The following SCN11A variants were observed in gnomAD, a reference collection of about 807,000 sequenced individuals.
SCN11A encodes sodium voltage-gated channel alpha subunit 11.
Under a neutral mutation model 162.2 loss-of-function variants are expected in SCN11A, and 122 were observed. That is an observed-to-expected ratio of 0.75 (90% CI 0.65 to 0.87). The LOEUF is 0.87. SCN11A is among the 40% of genes least tolerant of loss of function. The pLI is 0.00. For missense variants in SCN11A, 2,015 were observed against 2,181.6 expected, an observed-to-expected ratio of 0.92 and a Z score of 1.52; for synonymous variants, 758 against 751.5, an observed-to-expected ratio of 1.01 and a Z score of -0.14.
intron 17 of SCN11A, among the ~76,000 whole-genome samples, chr3:38,898,714 C>T (rs546891815): frequency 1.6e-4 from 25 of 152,158 alleles, no homozygotes; most frequent in African/African-American, 3.9e-4. Context: ...TATAAACTGA[C>T]GGTTTTACTC....
Position 38,846,662 on chromosome 3 carries a change from T to C in SCN11A, c.*32A>G, listed in dbSNP as rs2064668186. On this transcript the variant is annotated 3_prime_UTR_variant, in exon 30 of 30. Transcript: ENST00000302328. ...AGCTCAGAGGCTGAAGGCAAGGCTG[T>C]GAAGCTATGAGGTAGGCGTGGAGGT... 1 of 1,580,800 alleles carries C rather than the reference T, an allele frequency of 6.3e-7. No homozygotes were observed.
At chr3:38,951,191 T>C (rs935559616) in intron 4 of SCN11A, among the ~76,000 whole-genome samples, 5 of 152,172 alleles carry the variant, frequency 3.3e-5, no homozygotes, top group African/African-American at 1.2e-4. Context: ...ACCCGGCGCT[T>C]GCGGGCCAGC....
At chr3:38,935,103 C>A (rs2125562601) in intron 7 of SCN11A, among the ~76,000 whole-genome samples, 1 of 152,260 alleles carries the variant, frequency 6.6e-6, no homozygotes, top group Middle Eastern at 3.4e-3. Flanking sequence ...TACGTGGAAA[C>A]TGAACAACCT....
intron 4 of SCN11A, among the ~76,000 whole-genome samples, chr3:38,951,977 GC>G (rs2066626989): frequency 6.6e-6 from 1 of 152,094 alleles, no homozygotes; most frequent in South Asian, 2.1e-4. Flanking sequence ...CACTGTGGAA[GC>G]TTTGTTCTTT....
intron 2 of SCN11A, among the ~76,000 whole-genome samples, chr3:38,983,822 G>C (rs149503182): frequency 1.3e-5 from 2 of 152,148 alleles, no homozygotes; most frequent in African/African-American, 4.8e-5. Flanking sequence ...AAGCTAACTT[G>C]TGTTGGGTTT....
chr3:38,974,587 C>T (rs927555733), intron 2 of SCN11A, among the ~76,000 whole-genome samples: 8 of 149,184 alleles, frequency 5.4e-5, no homozygotes, highest in South Asian at 2.1e-4. Context: ...CCCAGCTACT[C>T]GGGAGGCTGA....
At chr3:39,028,227 A>G (rs2031638897) in intron 2 of SCN11A, among the ~76,000 whole-genome samples, 1 of 152,334 alleles carries the variant, frequency 6.6e-6, no homozygotes, top group African/African-American at 2.4e-5. Flanking sequence ...AAGCTCTCAG[A>G]TGCTCTCACT....
At chr3:38,998,262 G>A (rs901673642) in intron 2 of SCN11A, among the ~76,000 whole-genome samples, 19 of 152,164 alleles carry the variant, frequency 1.2e-4, no homozygotes, top group Non-Finnish European at 2.4e-4. Context: ...GCTTTTATGA[G>A]CCATCCCAGC....
intron 5 of SCN11A, among the ~76,000 whole-genome samples, chr3:38,949,644 T>C (rs1434726971): frequency 3.3e-5 from 5 of 152,208 alleles, no homozygotes; most frequent in African/African-American, 1.2e-4. Context: ...TAATGCATTA[T>C]AGTGATAAAG....
At chr3:38,950,057 A>AACCCC in intron 5 of SCN11A, 39 bp downstream of exon 5, 2 of 100,342 alleles carry the variant, frequency 2.0e-5, no homozygotes, top group South Asian at 1.1e-4. Flanking sequence ...TGGTTAGAAC[A>AACCCC]CCCCCACCCC....
chr3:39,032,005 C>T (rs180736867), intron 2 of SCN11A, among the ~76,000 whole-genome samples: 1 of 151,744 alleles, frequency 6.6e-6, no homozygotes, highest in Admixed American at 6.6e-5. Flanking sequence ...CAAAAAAAAA[C>T]CAAAAATGGT....
chr3:39,037,497 C>A (rs1034046901), intron 1 of SCN11A, among the ~76,000 whole-genome samples: 2 of 152,006 alleles, frequency 1.3e-5, no homozygotes, highest in Non-Finnish European at 2.9e-5. Flanking sequence ...ATGTTTGTAA[C>A]GCAAAGAAAT....
intron 9 of SCN11A, among the ~76,000 whole-genome samples, chr3:38,922,677 AAGGAGG>A (rs201233819): frequency 1.3e-5 from 2 of 151,702 alleles, no homozygotes; most frequent in African/African-American, 4.9e-5. Context: ...GAAGAAGGAG[AAGGAGG>A]AGGAGGAGGA....
intron 7 of SCN11A, among the ~76,000 whole-genome samples, chr3:38,935,391 G>C (rs996150021): frequency 6.6e-5 from 10 of 152,074 alleles, no homozygotes; most frequent in Admixed American, 2.6e-4. Flanking sequence ...CAGAACTGAA[G>C]GAAATAGAGA....
At chr3:38,935,810 A>G (rs1388533615) in intron 7 of SCN11A, among the ~76,000 whole-genome samples, 1 of 152,222 alleles carries the variant, frequency 6.6e-6, no homozygotes, top group East Asian at 1.9e-4. Flanking sequence ...AACTGGTACC[A>G]TTCCTTCTGA....
chr3:38,952,152 G>C (rs1220366939), intron 4 of SCN11A, among the ~76,000 whole-genome samples: 2 of 152,124 alleles, frequency 1.3e-5, no homozygotes, highest in African/African-American at 4.8e-5. Flanking sequence ...CTTAAGAGCC[G>C]TAACACTCAC....
In SCN11A at chr3:38,937,244, C is replaced by T. The variant is rs1415768979; in HGVS notation, c.488+8167G>A. ...ATTCAAGATGGATTAAAGACTTAAA[C>T]GTTAGACCTAAAACCATAAAAATCC... On this transcript the variant is annotated intron_variant, in intron 7 of 29. Transcript: ENST00000302328. Among the ~76,000 whole-genome samples, 17 of 151,740 alleles carry T rather than the reference C, an allele frequency of 1.1e-4. No homozygotes were observed. In the East Asian group the frequency reaches 1.2e-3, roughly 10 times the overall value.
intron 2 of SCN11A, among the ~76,000 whole-genome samples, chr3:38,984,774 G>C (rs370685441): frequency 6.6e-6 from 1 of 152,180 alleles, no homozygotes; most frequent in Non-Finnish European, 1.5e-5. Context: ...GCCTCCCAAC[G>C]TGCTGGGATT....
At chr3:38,863,335 A>C in intron 27 of SCN11A, 36 bp from the exon 28 acceptor site, 1 of 1,087,368 alleles carries the variant, frequency 9.2e-7, no homozygotes, top group Admixed American at 2.2e-5. Context: ...TACCTTTAAC[A>C]GTTTTTTTTT....
Sources: gnomAD v4.1 joint callset for allele counts (sites outside exome capture counted in the v4.1 genomes callset) on GRCh38, gnomAD v4.1.1 for gene constraint, MANE v1.5 for transcripts, NCBI Gene and HGNC (gene_info 2026-07-23, HGNC 2026-07-21) for gene names.